Variants in DNAH3 observed in about 807,000 individuals in gnomAD.
The protein encoded by DNAH3 is axonemal beta dynein heavy chain 3.
Under a neutral mutation model 432.5 loss-of-function variants are expected in DNAH3, and 332 were observed. That is an observed-to-expected ratio of 0.77 (90% confidence interval 0.70 to 0.84). The LOEUF (loss-of-function observed/expected upper bound fraction) is 0.84. Among genes scored for constraint, DNAH3 ranks in the 40% least tolerant of loss-of-function variants. DNAH3 has a pLI of 0.00. For synonymous variants in DNAH3, 1,956 were observed against 1,900.2 expected (o/e 1.03, Z -0.76); for missense variants, 4,861 against 5,114.0 (o/e 0.95, Z 1.51).
At chr16:20,946,634 T>A (rs1367715610) in intron 57 of DNAH3, among the ~76,000 whole-genome samples, 1 of 152,068 alleles carries the variant, frequency 6.6e-6, no homozygotes, top group Non-Finnish European at 1.5e-5. Flanking sequence ...ATCTACTGGT[T>A]TTCATCCATG....
intron 20 of DNAH3, among the ~76,000 whole-genome samples, chr16:21,080,657 G>T (rs11866033): frequency 0.44 from 66,804 of 151,970 alleles, 14,659 homozygotes; most frequent in East Asian, 0.48. Context: ...ATGTGGGTTG[G>T]GTGGGGCCTG....
exon 37 of DNAH3, chr16:21,031,160 G>T (rs750659556): frequency 6.2e-7 from 1 of 1,614,130 alleles, no homozygotes; most frequent in Admixed American, 1.7e-5. Context: ...CTCCCGGAAA[G>T]CATTGGCAAG....
At chr16:21,080,246 G>A (rs996347336) in intron 20 of DNAH3, among the ~76,000 whole-genome samples, 2 of 152,176 alleles carry the variant, frequency 1.3e-5, no homozygotes, top group East Asian at 1.9e-4. Context: ...GCAGTGAGCC[G>A]AGATTGTGCC....
At chr16:20,953,839 G>A (rs576065536) in intron 55 of DNAH3, among the ~76,000 whole-genome samples, 6 of 151,290 alleles carry the variant, frequency 4.0e-5, no homozygotes, top group East Asian at 4.0e-4. Flanking sequence ...CCACCTTCTC[G>A]CCTCAAGCGA....
In DNAH3 at chr16:21,032,488, G is replaced by A. The variant is rs184953006; in HGVS notation, c.5198-1202C>T. Among the ~76,000 whole-genome samples, 8 of 152,236 alleles carry A rather than the reference G, an allele frequency of 5.3e-5. No individual in the cohort carries two copies. The East Asian group carries it at 1.5e-3, about 29-fold the overall frequency. ...ATGGAATCCTTCAAAGTAGGGAAAA[G>A]TTGAAGTGCTTGAGTCATGAACTAA... On this transcript the variant is annotated intron_variant, in intron 36 of 61. Transcript: ENST00000261383.
chr16:21,067,764 G>T (rs576990026), intron 23 of DNAH3, among the ~76,000 whole-genome samples: 5 of 39,802 alleles, frequency 1.3e-4, no homozygotes, highest in African/African-American at 5.1e-4. Flanking sequence ...TCTTGGGGGG[G>T]GGGGTGGGGA....
At chr16:20,948,199 TGCTCACTTCC>T (rs2084139491) in intron 57 of DNAH3, among the ~76,000 whole-genome samples, 2 of 152,308 alleles carry the variant, frequency 1.3e-5, no homozygotes, top group South Asian at 4.1e-4. Flanking sequence ...ATTTCCATCT[TGCTCACTTCC>T]AAGGCTCCAT....
exon 53 of DNAH3, chr16:20,964,486 T>C: frequency 1.2e-6 from 2 of 1,614,202 alleles, no homozygotes; most frequent in Non-Finnish European, 1.7e-6. Context: ...AGCATCCAGC[T>C]CTTCTCCAAT....
chr16:21,081,704 C>T, exon 20 of DNAH3: 1 of 1,613,814 alleles, frequency 6.2e-7, no homozygotes, highest in East Asian at 2.2e-5. Flanking sequence ...TGGGCTTTAT[C>T]TCATAGCCAA....
intron 44 of DNAH3, among the ~76,000 whole-genome samples, chr16:20,994,997 C>T (rs916373869): frequency 9.2e-5 from 14 of 151,948 alleles, no homozygotes; most frequent in Admixed American, 5.3e-4. Context: ...TATTGTGGTG[C>T]GATCTTGGCT....
intron 1 of DNAH3, among the ~76,000 whole-genome samples, chr16:21,157,490 T>C (rs1270731120): frequency 6.6e-6 from 1 of 151,906 alleles, no homozygotes; most frequent in Non-Finnish European, 1.5e-5. Flanking sequence ...CCACCATGCC[T>C]GGCTAGTTTT....
At chr16:21,141,418 G>A in intron 3 of DNAH3, 46 bp from the exon 5 acceptor site, 7 of 1,407,640 alleles carry the variant, frequency 5.0e-6, no homozygotes, top group Non-Finnish European at 6.9e-6. Flanking sequence ...CAATGGCCTT[G>A]GGCCATTCTC....
chr16:20,965,403 C>G (rs765586327), exon 53 of DNAH3: 3 of 1,525,720 alleles, frequency 2.0e-6, no homozygotes, highest in Non-Finnish European at 2.6e-6. Context: ...TGGATACCCC[C>G]CAGTAATCTT....
chr16:21,151,547 C>T (rs1332639739), intron 1 of DNAH3, among the ~76,000 whole-genome samples: 1 of 152,068 alleles, frequency 6.6e-6, no homozygotes, highest in African/African-American at 2.4e-5. Flanking sequence ...CCGCCCACCT[C>T]GGCCTCCCAA....
intron 44 of DNAH3, among the ~76,000 whole-genome samples, chr16:20,993,010 C>A (rs1278849337): frequency 6.6e-6 from 1 of 152,124 alleles, no homozygotes; most frequent in Non-Finnish European, 1.5e-5. Flanking sequence ...GGACTACAGG[C>A]TTGCACCACC....
intron 44 of DNAH3, among the ~76,000 whole-genome samples, chr16:20,990,803 C>T (rs541342929): frequency 3.0e-4 from 46 of 152,124 alleles, no homozygotes; most frequent in African/African-American, 9.6e-4. Flanking sequence ...GTGCAGATCA[C>T]GAGGTCAAGA....
chr16:20,946,641 C>T (rs1205728479), intron 57 of DNAH3, among the ~76,000 whole-genome samples: 2 of 152,042 alleles, frequency 1.3e-5, no homozygotes, highest in Non-Finnish European at 2.9e-5. Flanking sequence ...GGTTTTCATC[C>T]ATGGTTCCTG....
rs2152807126 is a variant in DNAH3, at chr16:21,115,465, G to C, written c.1814+1738C>G. 2.0e-5 allele frequency among the ~76,000 whole-genome samples: 3 copies of C among 151,570 alleles called. No homozygotes were observed. In the East Asian group the frequency reaches 5.8e-4, roughly 29 times the overall value. On this transcript the variant is annotated intron_variant, in intron 12 of 61. Transcript: ENST00000261383. ...CTCACACCTGTAATCCCAGCACTTT[G>C]GGAGGCCGAGGTGAGTGGATCACCT...
intron 58 of DNAH3, among the ~76,000 whole-genome samples, chr16:20,941,820 G>A (rs2083822744): frequency 6.6e-6 from 1 of 152,162 alleles, no homozygotes; most frequent in Non-Finnish European, 1.5e-5. Flanking sequence ...CACTTTAGGA[G>A]GCCGAAGTGG....
Sources: gnomAD v4.1 joint callset for allele counts (sites outside exome capture counted in the v4.1 genomes callset) on GRCh38, gnomAD v4.1.1 for gene constraint, MANE v1.5 for transcripts, NCBI Gene and HGNC (gene_info 2026-07-23, HGNC 2026-07-21) for gene names.